ANO4: variants seen among roughly 807,000 people sequenced by gnomAD.
ANO4 encodes the protein anoctamin-4.
A neutral mutation model predicts 141.9 loss-of-function variants in ANO4; 69 were observed. The observed-to-expected ratio is 0.49, with a 90% CI of 0.40 to 0.59. ANO4 has a LOEUF of 0.59. Ranked by LOEUF, ANO4 falls within the 20% of genes least tolerant of loss-of-function variation. The pLI, the probability that ANO4 is intolerant of heterozygous loss-of-function variation, is 0.00. For missense variants in ANO4, 894 were observed against 1,162.2 expected, an observed-to-expected ratio of 0.77 and a Z score of 3.36; for synonymous variants, 350 against 394.3, an observed-to-expected ratio of 0.89 and a Z score of 1.33.
Position 101,086,765 on chromosome 12 carries a change from G to A in ANO4, c.1642G>A (p.Val548Ile), listed in dbSNP as rs200715860. The A allele has an allele frequency of 1.3e-4, 216 of 1,613,734 alleles. No individual in the cohort carries two copies. The East Asian group carries it at 4.7e-3, about 35-fold the overall frequency. The change falls in exon 17 of 28, where the codon GTT (valine) becomes ATT (isoleucine). Residue 548 changes from valine (V) to isoleucine (I), a missense_variant. Transcript: ENST00000392977. ...KWALIRNNSQ[V>I]ATTGTAVCIN... is the part of the protein sequence containing the mutation. ...GGCGTTAATCAGGAATAACTCTCAGGTTGCAACCACAGGGACTGCTGTGTG... is the reference window on the plus strand; with the variant it reads ...GGCGTTAATCAGGAATAACTCTCAGATTGCAACCACAGGGACTGCTGTGTG...
At chr12:100,740,910 A>G (rs1057039518) in intron 3 of ANO4, among the ~76,000 whole-genome samples, 3 of 152,174 alleles carry the variant, frequency 2.0e-5, no homozygotes, top group Non-Finnish European at 4.4e-5. Flanking sequence ...GAGTTGAGTA[A>G]TTGTACTCTT....
chr12:101,097,345 G>A (rs2050026300), intron 19 of ANO4, among the ~76,000 whole-genome samples: 1 of 152,072 alleles, frequency 6.6e-6, no homozygotes, highest in African/African-American at 2.4e-5. Context: ...TTAAATCCAG[G>A]AGTAAAACTT....
intron 5 of ANO4, among the ~76,000 whole-genome samples, chr12:100,959,707 C>G (rs1592842773): frequency 1.3e-5 from 2 of 152,322 alleles, no homozygotes; most frequent in East Asian, 1.9e-4. Flanking sequence ...TTGGTGACAT[C>G]TCATGCTTTC....
At chr12:100,866,773 G>C (rs965799480) in intron 1 of ANO4, among the ~76,000 whole-genome samples, 2 of 152,212 alleles carry the variant, frequency 1.3e-5, no homozygotes, top group Non-Finnish European at 2.9e-5. Context: ...TTAGTGATTA[G>C]GGTTAGAGTT....
chr12:100,946,482 A>G (rs1383445247), intron 5 of ANO4, among the ~76,000 whole-genome samples: 1 of 152,120 alleles, frequency 6.6e-6, no homozygotes, highest in Admixed American at 6.5e-5. Flanking sequence ...AGAAAGTAGC[A>G]CTGATGGGAA....
At chr12:100,903,780 C>T (rs2040708864) in intron 2 of ANO4, among the ~76,000 whole-genome samples, 1 of 152,178 alleles carries the variant, frequency 6.6e-6, no homozygotes, top group Admixed American at 6.5e-5. Flanking sequence ...GGAGAATCTC[C>T]TTTACATAAA....
At chr12:100,972,063 A>G (rs1169652048) in intron 6 of ANO4, among the ~76,000 whole-genome samples, 4 of 152,244 alleles carry the variant, frequency 2.6e-5, no homozygotes, top group African/African-American at 9.6e-5. Flanking sequence ...GCTATACAGA[A>G]ATAAAATATT....
At chr12:100,880,454 A>G (rs2039511848) in intron 1 of ANO4, among the ~76,000 whole-genome samples, 1 of 152,212 alleles carries the variant, frequency 6.6e-6, no homozygotes, top group Non-Finnish European at 1.5e-5. Context: ...AAGGTCACCG[A>G]GCAAGTCCAG....
intron 1 of ANO4, among the ~76,000 whole-genome samples, chr12:100,872,903 G>A (rs1351300341): frequency 6.6e-6 from 1 of 152,202 alleles, no homozygotes; most frequent in Non-Finnish European, 1.5e-5. Context: ...GAGGGGCCTA[G>A]TGGGAGGTGA....
intron 1 of ANO4, among the ~76,000 whole-genome samples, chr12:100,839,287 A>G (rs563893441): frequency 6.6e-6 from 1 of 152,082 alleles, no homozygotes; most frequent in Non-Finnish European, 1.5e-5. Context: ...CTTTGAGGAG[A>G]TGCTGTAGTA....
chr12:101,030,796 A>G (rs2046942897), intron 9 of ANO4, among the ~76,000 whole-genome samples: 2 of 152,202 alleles, frequency 1.3e-5, no homozygotes, highest in African/African-American at 2.4e-5. Context: ...AGAAATACAA[A>G]CTACTAACAC....
At chr12:100,979,895 CTTTTTTT>C (rs71091474) in intron 7 of ANO4, among the ~76,000 whole-genome samples, 2 of 119,420 alleles carry the variant, frequency 1.7e-5, no homozygotes, top group South Asian at 3.0e-4. Flanking sequence ...GCCCAGCTGA[CTTTTTTT>C]TTTTTTTTTT....
At chr12:100,786,028 C>T (rs1470791729) in intron 3 of ANO4, among the ~76,000 whole-genome samples, 4 of 152,130 alleles carry the variant, frequency 2.6e-5, no homozygotes, top group Non-Finnish European at 5.9e-5. Context: ...CCTCTCAGCT[C>T]AAGTAATAGA....
At chr12:100,806,523 C>CTTTTTTTTTT (rs1593379234) in intron 1 of ANO4, among the ~76,000 whole-genome samples, 774 of 44,958 alleles carry the variant, frequency 0.017, 230 homozygotes, top group Middle Eastern at 0.067. Context: ...TTTTTTGTTT[C>CTTTTTTTTTT]GTTTTTTTTT....
chr12:101,084,533 G>A (rs1172193244), intron 16 of ANO4, among the ~76,000 whole-genome samples: 2 of 152,026 alleles, frequency 1.3e-5, no homozygotes, highest in African/African-American at 4.8e-5. Flanking sequence ...CAAATGATGA[G>A]TATATAAATA....
At chr12:100,812,518 A>G (rs1234126915) in intron 1 of ANO4, among the ~76,000 whole-genome samples, 1 of 152,198 alleles carries the variant, frequency 6.6e-6, no homozygotes, top group Non-Finnish European at 1.5e-5. Context: ...ATACATACAT[A>G]ATAATATGAA....
chr12:101,037,657 CCAT>C (rs2047252743), intron 10 of ANO4, among the ~76,000 whole-genome samples: 1 of 152,210 alleles, frequency 6.6e-6, no homozygotes, highest in African/African-American at 2.4e-5. Flanking sequence ...TACATAGTCT[CCAT>C]CATATAAATT....
chr12:100,829,821 T>C (rs2036546095), intron 1 of ANO4, among the ~76,000 whole-genome samples: 1 of 152,074 alleles, frequency 6.6e-6, no homozygotes, highest in Admixed American at 6.6e-5. Context: ...CCTAATTCTT[T>C]GTGAAGTGGG....
chr12:100,769,030 A>C (rs1196237476), intron 3 of ANO4, among the ~76,000 whole-genome samples: 1 of 152,222 alleles, frequency 6.6e-6, no homozygotes, highest in Non-Finnish European at 1.5e-5. Context: ...CAATGTGTCA[A>C]GTAGCTTCTC....
Sources: gnomAD v4.1 joint callset for allele counts (sites outside exome capture counted in the v4.1 genomes callset) on GRCh38, gnomAD v4.1.1 for gene constraint, MANE v1.5 for transcripts, NCBI Gene and HGNC (gene_info 2026-07-23, HGNC 2026-07-21) for gene names.